PTPRN2: variants seen among roughly 807,000 people sequenced by gnomAD.
The protein encoded by PTPRN2 is receptor-type tyrosine-protein phosphatase N2.
Under a neutral mutation model 118.8 loss-of-function variants are expected in PTPRN2, and 74 were observed. The observed-to-expected ratio is 0.62, with a 90% CI of 0.52 to 0.76. The LOEUF (loss-of-function observed/expected upper bound fraction) is 0.76, where lower values mean the gene tolerates loss of function less well. Ranked by LOEUF, PTPRN2 falls within the 30% of genes least tolerant of loss-of-function variation. The pLI, the probability that PTPRN2 is intolerant of heterozygous loss-of-function variation, is 0.00. For missense variants in PTPRN2, 1,481 were observed against 1,394.4 expected, an observed-to-expected ratio of 1.06 and a Z score of -0.99; for synonymous variants, 641 against 608.0, an observed-to-expected ratio of 1.05 and a Z score of -0.80.
At position 158,022,247 on chromosome 7, in the gene PTPRN2, T is replaced by G. The variant is rs2043497; in HGVS notation, c.1723+59051A>C. Reference sequence around the variant, plus strand: ...CACCTGAGTGCTTTTACTTTCCCCATTGCTGACCCTACAGCATGATGACTC... The same window carrying G: ...CACCTGAGTGCTTTTACTTTCCCCAGTGCTGACCCTACAGCATGATGACTC... On this transcript the variant is annotated intron_variant, in intron 11 of 22. Transcript: ENST00000389418. This position sits in a 1 kb window ranked among gnomAD's most constrained non-coding sequence, Gnocchi z 4.6. 0.84 allele frequency among the ~76,000 whole-genome samples: 127,800 copies of G among 152,198 alleles called. 53,863 individuals are homozygous for G. The highest frequency in any genetic ancestry group is 0.89 in the Non-Finnish European group (60,199 of 68,006).
intron 2 of PTPRN2, among the ~76,000 whole-genome samples, chr7:158,466,326 C>T (rs1167136512): frequency 6.6e-6 from 1 of 152,160 alleles, no homozygotes; most frequent in Non-Finnish European, 1.5e-5. Context: ...CCACTCCCAC[C>T]CCCCAAACCA....
chr7:158,412,285 CCCT>C (rs1241023815), intron 2 of PTPRN2, among the ~76,000 whole-genome samples: 1 of 113,366 alleles, frequency 8.8e-6, no homozygotes, highest in African/African-American at 3.7e-5. Context: ...CATCTCAGCA[CCCT>C]CCTCAACACC....
intron 11 of PTPRN2, among the ~76,000 whole-genome samples, chr7:158,010,075 C>T (rs752585813): frequency 1.7e-4 from 26 of 152,222 alleles, no homozygotes; most frequent in Non-Finnish European, 3.1e-4. Context: ...AGCACTTCAT[C>T]TTGTCCCTGT....
chr7:158,275,392 T>C (rs1027495518), intron 3 of PTPRN2, among the ~76,000 whole-genome samples: 5 of 152,142 alleles, frequency 3.3e-5, no homozygotes, highest in African/African-American at 9.7e-5. Flanking sequence ...TTTTTCTACA[T>C]TGCCTAGAGT....
At chr7:158,216,022 C>T (rs1237004497) in intron 3 of PTPRN2, among the ~76,000 whole-genome samples, 1 of 151,960 alleles carries the variant, frequency 6.6e-6, no homozygotes, top group Non-Finnish European at 1.5e-5. Flanking sequence ...CACCATACTA[C>T]TGTCTTATGT....
chr7:158,273,537 C>G (rs1366486826), intron 3 of PTPRN2, among the ~76,000 whole-genome samples: 2 of 71,278 alleles, frequency 2.8e-5, no homozygotes, highest in African/African-American at 6.7e-5. Context: ...GCCGCAGACA[C>G]GGGGAGCCGC....
chr7:157,891,483 C>T (rs1380608487), intron 12 of PTPRN2, among the ~76,000 whole-genome samples: 2 of 139,468 alleles, frequency 1.4e-5, no homozygotes, highest in Non-Finnish European at 3.1e-5. Flanking sequence ...ATTCCCACAG[C>T]CCCCCACCCC....
chr7:157,920,623 G>T lies in PTPRN2; in HGVS notation c.1724-21886C>A, dbSNP rs114494522. 2.8e-3 allele frequency among the ~76,000 whole-genome samples: 422 copies of T among 152,294 alleles called. 2 individuals carry two copies. Among genetic ancestry groups the T allele is most frequent in the African/African-American group, 9.6e-3 (398 of 41,556 alleles). ...ATAAGCCAAAAGTTAAGAGTCAGCC[G>T]CACAAACAGAGCTGCCCAATCCTTG... On this transcript the variant is annotated intron_variant, in intron 11 of 22. Transcript: ENST00000389418.
At chr7:158,123,386 G>A (rs982682063) in intron 9 of PTPRN2, among the ~76,000 whole-genome samples, 2 of 152,100 alleles carry the variant, frequency 1.3e-5, no homozygotes, top group Admixed American at 6.5e-5. Flanking sequence ...CACGGTGACC[G>A]ACGCCATGGT....
chr7:157,897,252 C>T (rs745871156), intron 12 of PTPRN2, among the ~76,000 whole-genome samples: 6 of 152,142 alleles, frequency 3.9e-5, no homozygotes, highest in Non-Finnish European at 7.4e-5. Context: ...GACGCACCTC[C>T]GACATCACAT....
At chr7:157,712,611 C>T (rs1798700985) in intron 12 of PTPRN2, among the ~76,000 whole-genome samples, 2 of 151,894 alleles carry the variant, frequency 1.3e-5, no homozygotes, top group African/African-American at 2.4e-5. Flanking sequence ...ATTAGCCAGG[C>T]GTGGTGGTGG....
intron 2 of PTPRN2, among the ~76,000 whole-genome samples, chr7:158,436,356 G>A (rs28513272): frequency 5.5e-5 from 8 of 145,670 alleles, no homozygotes; most frequent in East Asian, 4.2e-4. Flanking sequence ...TCTTTTCGTA[G>A]GAGTCATCTG....
Position 158,067,922 on chromosome 7 carries a change from T to C in PTPRN2, c.1723+13376A>G, listed in dbSNP as rs1810902377. Among the ~76,000 whole-genome samples, 4 of 152,050 alleles carry C rather than the reference T, an allele frequency of 2.6e-5. No homozygotes were observed. The South Asian group carries it at 8.3e-4, about 32-fold the overall frequency. On this transcript the variant is annotated intron_variant, in intron 11 of 22. Coordinates refer to ENST00000389418, the MANE Select transcript of PTPRN2 (RefSeq NM_002847.5). ...GCCGGGTCATGGTGTGCTTAGAATT[T>C]GGTGAGGCGGCAGGGTCGGGGCAGA...
chr7:158,164,540 GGAA>G (rs945705607), intron 6 of PTPRN2, among the ~76,000 whole-genome samples: 1 of 2,882 alleles, frequency 3.5e-4, no homozygotes, highest in Non-Finnish European at 5.6e-4. Context: ...GCGCACGTAG[GGAA>G]GGCGCGCACG....
At chr7:158,081,483 C>G in intron 10 of PTPRN2, 106 bp from the exon 11 acceptor site, 1 of 1,077,294 alleles carries the variant, frequency 9.3e-7, no homozygotes, top group Non-Finnish European at 1.4e-6. Flanking sequence ...ACGCAAACAT[C>G]CAAGGCCGCT....
intron 12 of PTPRN2, among the ~76,000 whole-genome samples, chr7:157,758,633 G>A: frequency 6.6e-6 from 1 of 152,212 alleles, no homozygotes; most frequent in East Asian, 1.9e-4. Context: ...GGTCCCTGGA[G>A]GACGGGACTG....
chr7:158,336,237 A>G (rs1380254190), intron 2 of PTPRN2, among the ~76,000 whole-genome samples: 1 of 78,624 alleles, frequency 1.3e-5, no homozygotes, highest in Non-Finnish European at 2.5e-5. Context: ...GACATCACTC[A>G]CACCCACACA....
At chr7:158,043,536 T>C (rs938733633) in intron 11 of PTPRN2, among the ~76,000 whole-genome samples, 21 of 152,150 alleles carry the variant, frequency 1.4e-4, no homozygotes, top group African/African-American at 4.6e-4. Flanking sequence ...CCAACAATAA[T>C]ATCTCCCCAG....
intron 3 of PTPRN2, among the ~76,000 whole-genome samples, chr7:158,263,809 A>G (rs751422695): frequency 9.9e-5 from 15 of 152,162 alleles, no homozygotes; most frequent in Non-Finnish European, 1.5e-4. Flanking sequence ...CCTGCATGGG[A>G]CACTGAGTGA....
Sources: allele counts gnomAD v4.1 joint callset (sites outside exome capture counted in the v4.1 genomes callset), GRCh38; gene constraint gnomAD v4.1.1; non-coding constraint Gnocchi (gnomAD v3.1); transcripts MANE v1.5; gene names NCBI Gene and HGNC (gene_info 2026-07-23, HGNC 2026-07-21).